The following ST6GAL2 variants were observed in gnomAD, a reference collection of about 807,000 sequenced individuals.
The protein encoded by ST6GAL2 is ST6 beta-galactoside alpha-2,6-sialyltransferase 2, also known as beta-galactoside alpha-2,6-sialyltransferase 2.
In ST6GAL2, 24 loss-of-function variants were observed where a neutral mutation model predicts 37.5. The observed-to-expected ratio is 0.64, with a 90% CI of 0.46 to 0.90. ST6GAL2 has a LOEUF of 0.90. Ranked by LOEUF, ST6GAL2 falls within the 40% of genes least tolerant of loss-of-function variation. ST6GAL2 has a pLI of 0.00. For missense variants in ST6GAL2, 715 were observed against 712.7 expected, an observed-to-expected ratio of 1.00 and a Z score of -0.04; for synonymous variants, 306 against 295.1, an observed-to-expected ratio of 1.04 and a Z score of -0.38.
At chr2:106,873,334 A>C (rs1573316925) in intron 1 of ST6GAL2, among the ~76,000 whole-genome samples, 1 of 152,322 alleles carries the variant, frequency 6.6e-6, no homozygotes, top group South Asian at 2.1e-4. Flanking sequence ...CTGCATTTAT[A>C]ATTCTTCATG....
intron 1 of ST6GAL2, among the ~76,000 whole-genome samples, chr2:106,883,935 T>C (rs998972318): frequency 4.6e-5 from 7 of 152,240 alleles, no homozygotes; most frequent in Admixed American, 3.9e-4. Flanking sequence ...AAGGAACCTA[T>C]CATTTATTTA....
At chr2:106,878,005 T>C (rs936495517) in intron 1 of ST6GAL2, among the ~76,000 whole-genome samples, 1 of 152,216 alleles carries the variant, frequency 6.6e-6, no homozygotes, top group African/African-American at 2.4e-5. Flanking sequence ...TCAGTGGCTA[T>C]TGCTTAGGTG....
In ST6GAL2 at chr2:106,805,086, C is replaced by A. The variant is rs1423282566; in HGVS notation, c.*1592G>T. 6.6e-6 allele frequency: 1 copy of A among 152,142 alleles called. No individual in the cohort carries two copies. Among genetic ancestry groups the A allele is most frequent in the Admixed American group, 6.5e-5 (1 of 15,282 alleles). 9.4% of individuals were successfully genotyped at this position (152,142 alleles called of 1,614,324 possible). On this transcript the variant is annotated 3_prime_UTR_variant, in exon 6 of 6. Coordinates refer to ENST00000409382, the MANE Select transcript of ST6GAL2 (RefSeq NM_001142351.2). ...TCCAGCTCCATATCTGCTGAATAGACTAACCAAACAGAAGCCTTCAGTCTC... is the reference window on the plus strand; with the variant it reads ...TCCAGCTCCATATCTGCTGAATAGAATAACCAAACAGAAGCCTTCAGTCTC...
At chr2:106,836,900 C>T (rs1024401264) in intron 2 of ST6GAL2, among the ~76,000 whole-genome samples, 3 of 135,218 alleles carry the variant, frequency 2.2e-5, no homozygotes, top group African/African-American at 5.6e-5. Flanking sequence ...GCCAAGATTG[C>T]ACCATTACAC....
At chr2:106,819,727 A>C (rs539585506) in intron 5 of ST6GAL2, among the ~76,000 whole-genome samples, 10 of 152,172 alleles carry the variant, frequency 6.6e-5, no homozygotes, top group Non-Finnish European at 1.2e-4. Context: ...TAGCCTGTAA[A>C]CTATTCATAT....
rs545194878 is a variant in ST6GAL2 at position 106,806,482 on chromosome 2, T to G, written c.*196A>C. The G allele has an allele frequency of 4.7e-6, 3 of 638,944 alleles. No individual in the cohort carries two copies. Among genetic ancestry groups the G allele is most frequent in the African/African-American group, 3.7e-5 (2 of 54,782 alleles). The allele number at this position is 638,944 out of a possible 1,614,324, so 39.6% of individuals were successfully genotyped here. On this transcript the variant is annotated 3_prime_UTR_variant, in exon 6 of 6. Transcript: ENST00000409382. Reference sequence around the variant, plus strand: ...GCATCTTTCTTGAGCCTTATTTTTTTAAAAAAACCATTTCTATGTTCAAAG... The same window carrying G: ...GCATCTTTCTTGAGCCTTATTTTTTGAAAAAAACCATTTCTATGTTCAAAG...
In ST6GAL2 at chr2:106,834,106, T is replaced by C. The variant is rs1172507176; in HGVS notation, c.984A>G (p.Thr328=). ...DAVLRFNSAP[T]RGYEKDVGNK... is the part of the protein sequence containing the mutation. ...TCCCAACATCTTTCTCATAACCACG[T>C]GTAGGAGCAGAGTTAAATCTCAAAA... Residue 328 remains threonine, a synonymous_variant, in exon 3 of 6, where the codon ACA becomes ACG. Coordinates refer to ENST00000409382, the MANE Select transcript of ST6GAL2 (RefSeq NM_001142351.2). 1.9e-6 allele frequency: 3 copies of C among 1,613,868 alleles called. No homozygotes were observed. The Admixed American group carries it at 5.0e-5, about 27-fold the overall frequency.
chr2:106,825,380 C>G (rs1272425351), intron 5 of ST6GAL2, among the ~76,000 whole-genome samples: 1 of 152,194 alleles, frequency 6.6e-6, no homozygotes, highest in African/African-American at 2.4e-5. Context: ...CATTATCCAG[C>G]CTGAATCCAG....
intron 1 of ST6GAL2, among the ~76,000 whole-genome samples, chr2:106,856,633 CAAG>C (rs1677586625): frequency 6.6e-6 from 1 of 152,172 alleles, no homozygotes; most frequent in Non-Finnish European, 1.5e-5. Context: ...GAGCTATGAT[CAAG>C]CCCATTTTAT....
At chr2:106,873,204 G>A (rs1469316824) in intron 1 of ST6GAL2, among the ~76,000 whole-genome samples, 1 of 152,146 alleles carries the variant, frequency 6.6e-6, no homozygotes, top group Non-Finnish European at 1.5e-5. Flanking sequence ...ATGAGGTTGT[G>A]GCCATGCATC....
chr2:106,880,932 G>A (rs2104656023), intron 1 of ST6GAL2, among the ~76,000 whole-genome samples: 1 of 152,200 alleles, frequency 6.6e-6, no homozygotes, highest in East Asian at 1.9e-4. Context: ...GTGTATGTGT[G>A]CACATGTGTT....
At chr2:106,832,422 TG>T (rs1443500855) in intron 4 of ST6GAL2, 142 bp downstream of exon 4, 1 of 539,646 alleles carries the variant, frequency 1.9e-6, no homozygotes, top group Non-Finnish European at 3.3e-6. Flanking sequence ...GGTATCAACG[TG>T]GTGTTCACAA....
At chr2:106,848,370 T>G (rs982584986) in intron 1 of ST6GAL2, among the ~76,000 whole-genome samples, 8 of 152,228 alleles carry the variant, frequency 5.3e-5, no homozygotes, top group African/African-American at 1.9e-4. Context: ...TGTTTCTGAC[T>G]GGTAGTCACC....
Position 106,843,950 on chromosome 2 carries a change from G to C in ST6GAL2, c.28C>G (p.Gln10Glu). Residue 10 changes from glutamine (Q) to glutamate (E), a missense_variant, in exon 2 of 6, where the codon CAA (glutamine) becomes GAA (glutamate). Physicochemically the swap from Gln to Glu is conservative, Grantham distance 29 (BLOSUM62 2). Around this residue, in one of 3 missense-constraint regions of ST6GAL2, gnomAD observed 512 missense variants for 488.8 expected, o/e 1.05. Transcript: ENST00000409382. MKPHLKQWR[Q>E]RMLFGIFAWG... ...GCGAATATTCCGAAAAGCATTCGTTGTCTCCATTGCTTCAAGTGTGGTTTC... is the reference window on the plus strand; with the variant it reads ...GCGAATATTCCGAAAAGCATTCGTTCTCTCCATTGCTTCAAGTGTGGTTTC... 6.3e-7 allele frequency: 1 copy of C among 1,590,882 alleles called. No individual in the cohort carries two copies. Among genetic ancestry groups the C allele is most frequent in the Non-Finnish European group, 8.5e-7 (1 of 1,173,264 alleles).
chr2:106,817,210 C>T (rs1452445299), intron 5 of ST6GAL2, among the ~76,000 whole-genome samples: 1 of 152,220 alleles, frequency 6.6e-6, no homozygotes, highest in African/African-American at 2.4e-5. Flanking sequence ...GACTTGGAGG[C>T]ATGTGACCTG....
At chr2:106,841,705 G>T (rs1185146778) in intron 2 of ST6GAL2, among the ~76,000 whole-genome samples, 1 of 152,134 alleles carries the variant, frequency 6.6e-6, no homozygotes, top group Non-Finnish European at 1.5e-5. Context: ...GGGCAGGTGG[G>T]GAAATGAATG....
chr2:106,836,180 C>A (rs151183679), intron 2 of ST6GAL2, among the ~76,000 whole-genome samples: 1 of 152,016 alleles, frequency 6.6e-6, no homozygotes, highest in Non-Finnish European at 1.5e-5. Flanking sequence ...AGACTGGCAC[C>A]GTTTTTAATG....
intron 1 of ST6GAL2, among the ~76,000 whole-genome samples, chr2:106,858,477 AG>A (rs1677669839): frequency 6.6e-6 from 1 of 152,146 alleles, no homozygotes; most frequent in Non-Finnish European, 1.5e-5. Flanking sequence ...ATCAGAGGAG[AG>A]TAATGTCAAT....
intron 1 of ST6GAL2, among the ~76,000 whole-genome samples, chr2:106,884,934 T>TATATATATATATATATATATAC (rs1425070594): frequency 7.7e-4 from 93 of 120,414 alleles, no homozygotes; most frequent in Non-Finnish European, 1.2e-3. Flanking sequence ...TATATATATA[T>TATATATATATATATATATATAC]ACATACACAC....
Sources: allele counts gnomAD v4.1 joint callset (sites outside exome capture counted in the v4.1 genomes callset), GRCh38; gene constraint gnomAD v4.1.1; regional missense constraint gnomAD v4.1.1; transcripts MANE v1.5; gene names NCBI Gene and HGNC (gene_info 2026-07-23, HGNC 2026-07-21).